Variants in SMARCA4 observed in about 807,000 individuals in gnomAD.
The protein encoded by SMARCA4 is SWI/SNF related BAF chromatin remodeling complex subunit ATPase 4, also known as SWI/SNF-related matrix-associated actin-dependent regulator of chromatin subfamily A member 4.
Under a neutral mutation model 193.9 loss-of-function variants are expected in SMARCA4, and 31 were observed. That is an observed-to-expected ratio of 0.16 (90% CI 0.12 to 0.22). SMARCA4 has a LOEUF of 0.22. Ranked by LOEUF, SMARCA4 falls within the 10% of genes least tolerant of loss-of-function variation. The pLI is 1.00. For missense variants in SMARCA4, 1,148 were observed against 2,296.0 expected, an observed-to-expected ratio of 0.50 and a Z score of 10.22; for synonymous variants, 942 against 933.1, an observed-to-expected ratio of 1.01 and a Z score of -0.17.
intron 25 of SMARCA4, among the ~76,000 whole-genome samples, chr19:11,032,927 T>C (rs1047083601): frequency 7.9e-5 from 12 of 152,196 alleles, no homozygotes. Flanking sequence ...TTCGGCCCCC[T>C]GTTGTAAATG....
rs1484617132 is a variant in SMARCA4 at position 11,030,968 on chromosome 19, T to A, written c.3546+75T>A. On this transcript the variant is annotated intron_variant, in intron 25 of 34. Coordinates refer to ENST00000344626, the MANE Select transcript of SMARCA4 (RefSeq NM_003072.5). The surrounding 1 kb of genome is among the most constrained non-coding windows in gnomAD (Gnocchi z 5.5). The stretch of plus-strand genomic sequence containing the variant: ...AAAACCTCGAGGAGACGGCCCTGGC[T>A]TGAGGGTCCTCCAGCCTCCTCCACA... 1 of 1,398,276 alleles carries A rather than the reference T, an allele frequency of 7.2e-7. No homozygotes were observed. The highest frequency in any genetic ancestry group is 1.4e-5 in the African/African-American group (1 of 70,722). 86.6% of individuals were successfully genotyped at this position (1,398,276 alleles called of 1,614,324 possible). A position where few individuals can be genotyped will look rare whatever the true frequency, so the allele number is the denominator to read the frequency against.
chr19:10,987,823 C>T lies in SMARCA4; in HGVS notation c.1017C>T (p.Pro339=), dbSNP rs772609063. The change falls in exon 6 of 35, where the codon CCC becomes CCT. Residue 339 remains proline (P), a synonymous_variant. Coordinates refer to ENST00000344626, the MANE Select transcript of SMARCA4 (RefSeq NM_003072.5). This position sits in a 1 kb window ranked among gnomAD's most constrained non-coding sequence, Gnocchi z 5.3. The stretch of plus-strand genomic sequence containing the variant: ...AGTCCCCCGGGCAGCCGGCCCAGCC[C>T]GCGCCCATGGTGCCACTGCACCAGA... ...QTQSPGQPAQ[P]APMVPLHQKQ... 14 of 1,607,554 alleles carry T rather than the reference C, an allele frequency of 8.7e-6. No individual in the cohort carries two copies. Among genetic ancestry groups the T allele is most frequent in the East Asian group, 2.2e-5 (1 of 44,588 alleles).
chr19:10,974,164 C>T (rs567542139), intron 1 of SMARCA4, among the ~76,000 whole-genome samples: 2 of 152,188 alleles, frequency 1.3e-5, no homozygotes, highest in South Asian at 2.1e-4. Context: ...CCAAGGGATC[C>T]GATTGCTGGT....
rs2146365814 is a variant in SMARCA4, at chr19:11,019,220, A to G, written c.2505+197A>G. ...GGGCAGGGACAGGGCAGATTAGCTC[A>G]CTGGGGAGGAGACAGGAGTGAGCAT... On this transcript the variant is annotated intron_variant, in intron 17 of 34. Coordinates refer to ENST00000344626, the MANE Select transcript of SMARCA4 (RefSeq NM_003072.5). The surrounding 1 kb of genome is among the most constrained non-coding windows in gnomAD (Gnocchi z 6.1). The G allele has an allele frequency of 1.5e-6, 1 of 667,426 alleles. No homozygotes were observed. The highest frequency in any genetic ancestry group is 2.1e-5 in the Admixed American group (1 of 48,396). The allele number at this position is 667,426 out of a possible 1,614,324, so 41.3% of individuals were successfully genotyped here.
At chr19:11,007,376 G>A (rs1319586590) in intron 13 of SMARCA4, among the ~76,000 whole-genome samples, 1 of 147,910 alleles carries the variant, frequency 6.8e-6, no homozygotes, top group Non-Finnish European at 1.5e-5. Context: ...GTTGCACTGC[G>A]CCGAGATCAC....
At chr19:11,057,589 T>C (rs1057092982) in intron 30 of SMARCA4, among the ~76,000 whole-genome samples, 2 of 150,484 alleles carry the variant, frequency 1.3e-5, no homozygotes, top group Non-Finnish European at 1.5e-5. Flanking sequence ...ATTAGCCGGG[T>C]GTGGTGGCTG....
At chr19:11,059,121 A>G (rs866851348) in intron 32 of SMARCA4, 27 of 496,988 alleles carry the variant, frequency 5.4e-5, no homozygotes, top group African/African-American at 4.4e-4. Flanking sequence ...AAAAAAAAAA[A>G]GAAAAAATTA....
At chr19:10,991,068 ATG>A in intron 7 of SMARCA4, 80 bp from the exon 8 acceptor site, 1 of 1,587,784 alleles carries the variant, frequency 6.3e-7, no homozygotes, top group African/African-American at 1.3e-5. Context: ...GCGGTGAAGC[ATG>A]TGACATCACC....
At position 11,041,709 on chromosome 19, in the gene SMARCA4, C is replaced by T; in HGVS notation, c.4424+149C>T. The stretch of plus-strand genomic sequence containing the variant: ...TGACTGAATCTCTGTGTCTTTGAGC[C>T]TGGCCCTGAGGAACATGCTTTCTGG... On this transcript the variant is annotated intron_variant, in intron 30 of 34. Coordinates refer to ENST00000344626, the MANE Select transcript of SMARCA4 (RefSeq NM_003072.5). The surrounding 1 kb of genome is among the most constrained non-coding windows in gnomAD (Gnocchi z 5.6). 1 of 711,610 alleles carries T rather than the reference C, an allele frequency of 1.4e-6. No individual in the cohort carries two copies. Among genetic ancestry groups the T allele is most frequent in the African/African-American group, 1.8e-5 (1 of 56,404 alleles). 44.1% of individuals were successfully genotyped at this position (711,610 alleles called of 1,614,324 possible).
intron 9 of SMARCA4, chr19:10,995,969 A>T: frequency 3.4e-6 from 2 of 591,480 alleles, no homozygotes; most frequent in South Asian, 3.5e-5. Flanking sequence ...GGACTGGCTC[A>T]TGGCCTCTGT....
At chr19:10,979,290 C>T (rs2085377783) in intron 1 of SMARCA4, among the ~76,000 whole-genome samples, 2 of 152,112 alleles carry the variant, frequency 1.3e-5, no homozygotes, top group South Asian at 4.1e-4. Flanking sequence ...CACCAAATGA[C>T]TCTCATAGCA....
intron 30 of SMARCA4, among the ~76,000 whole-genome samples, chr19:11,047,289 T>C (rs2075991609): frequency 1.3e-5 from 2 of 152,290 alleles, no homozygotes; most frequent in South Asian, 2.1e-4. Flanking sequence ...TGAGGTGATC[T>C]GGACGGTTCC....
intron 22 of SMARCA4, 117 bp downstream of exon 22, chr19:11,025,625 G>T: frequency 1.3e-6 from 1 of 764,914 alleles, no homozygotes; most frequent in South Asian, 1.4e-5. Flanking sequence ...ATTAGGTAAT[G>T]CCTGTACATC....
intron 7 of SMARCA4, among the ~76,000 whole-genome samples, chr19:10,990,288 G>A (rs1387259833): frequency 6.6e-6 from 1 of 152,140 alleles, no homozygotes; most frequent in African/African-American, 2.4e-5. Flanking sequence ...GAGTAGCTGG[G>A]ATTACAGGTG....
intron 16 of SMARCA4, among the ~76,000 whole-genome samples, chr19:11,015,604 C>T (rs566173076): frequency 3.3e-5 from 5 of 152,234 alleles, no homozygotes; most frequent in African/African-American, 1.2e-4. Context: ...GAACGTACTT[C>T]GACACTTGTG....
intron 16 of SMARCA4, among the ~76,000 whole-genome samples, chr19:11,013,347 T>A (rs950613144): frequency 6.6e-6 from 1 of 152,212 alleles, no homozygotes; most frequent in Non-Finnish European, 1.5e-5. Context: ...ACATGGTCCT[T>A]CCTCTGTGCG....
intron 16 of SMARCA4, among the ~76,000 whole-genome samples, chr19:11,017,415 C>T (rs760395596): frequency 4.3e-4 from 66 of 152,366 alleles, no homozygotes; most frequent in Non-Finnish European, 5.0e-4. Flanking sequence ...TTTCCCACTG[C>T]GCCCCACCTG....
intron 30 of SMARCA4, among the ~76,000 whole-genome samples, chr19:11,057,282 C>T (rs1187730225): frequency 6.6e-6 from 1 of 152,232 alleles, no homozygotes; most frequent in African/African-American, 2.4e-5. Flanking sequence ...CCACCCTGTC[C>T]TGCTGAGCCA....
At chr19:11,042,811 A>AGTGGC (rs2075693713) in intron 30 of SMARCA4, among the ~76,000 whole-genome samples, 1 of 151,898 alleles carries the variant, frequency 6.6e-6, no homozygotes, top group African/African-American at 2.4e-5. Flanking sequence ...ACATGGTGAA[A>AGTGGC]ACCCATCTTT....
Sources: gnomAD v4.1 joint callset for allele counts (sites outside exome capture counted in the v4.1 genomes callset) on GRCh38, gnomAD v4.1.1 for gene constraint, Gnocchi (gnomAD v3.1) non-coding constraint, MANE v1.5 for transcripts, NCBI Gene and HGNC (gene_info 2026-07-23, HGNC 2026-07-21) for gene names.